PYGO1: variants seen among roughly 807,000 people sequenced by gnomAD.
PYGO1 encodes pygopus homolog 1.
A neutral mutation model predicts 29.5 loss-of-function variants in PYGO1; 6 were observed. The observed-to-expected ratio is 0.20, with a 90% CI of 0.11 to 0.40. PYGO1 has a LOEUF of 0.40. PYGO1 is among the 10% of genes least tolerant of loss of function. The pLI is 1.00. For synonymous variants in PYGO1, 186 were observed against 180.5 expected (o/e 1.03, Z -0.24); for missense variants, 515 against 514.9 (o/e 1.00, Z 0.00).
chr15:55,576,812 C>G (rs1218230861), intron 1 of PYGO1, among the ~76,000 whole-genome samples: 1 of 135,782 alleles, frequency 7.4e-6, no homozygotes, highest in African/African-American at 2.8e-5. Flanking sequence ...GTTCCATCAT[C>G]TTAACTTAGA....
chr15:55,588,861 CCA>C (rs1378654307), upstream of PYGO1: 1 of 1,613,424 alleles, frequency 6.2e-7, no homozygotes. Context: ...ATGTGGGGAT[CCA>C]GATTCCCCGA....
chr15:55,572,964 G>T (rs1365342478), intron 1 of PYGO1, among the ~76,000 whole-genome samples: 1 of 150,628 alleles, frequency 6.6e-6, no homozygotes, highest in African/African-American at 2.4e-5. Context: ...CTTGAGGTCA[G>T]GAGTTCAAGA....
chr15:55,563,365 TC>T (rs1454810000), intron 1 of PYGO1, among the ~76,000 whole-genome samples: 2 of 133,144 alleles, frequency 1.5e-5, no homozygotes, highest in East Asian at 6.3e-4. Context: ...ATGAATAAAT[TC>T]TTTTTTTTTT....
Position 55,545,215 on chromosome 15 carries a change from A to G in PYGO1, c.*808T>C, listed in dbSNP as rs2058844376. 1 of 152,222 alleles carries G rather than the reference A, an allele frequency of 6.6e-6. No homozygotes were observed. 9.4% of individuals were successfully genotyped at this position (152,222 alleles called of 1,614,324 possible). On this transcript the variant is annotated 3_prime_UTR_variant, in exon 3 of 3. Coordinates refer to ENST00000563719, the MANE Select transcript of PYGO1 (RefSeq NM_001367806.1). ...TATTCACAATTCTTCTGTGGATACT[A>G]TAGTATTTCTCTGGAAAACAATAAA...
At chr15:55,584,800 G>A (rs1187250441) in intron 1 of PYGO1, among the ~76,000 whole-genome samples, 12 of 152,234 alleles carry the variant, frequency 7.9e-5, no homozygotes. Context: ...GTAAGATACT[G>A]TGTCACTAAA....
intron 1 of PYGO1, among the ~76,000 whole-genome samples, chr15:55,552,728 GC>G (rs2058885016): frequency 6.6e-6 from 1 of 152,250 alleles, no homozygotes; most frequent in East Asian, 1.9e-4. Flanking sequence ...AGCTGTGTAT[GC>G]AGAGTCTCAG....
At chr15:55,562,076 C>CA (rs2058935126) in intron 1 of PYGO1, among the ~76,000 whole-genome samples, 1 of 151,960 alleles carries the variant, frequency 6.6e-6, no homozygotes, top group Non-Finnish European at 1.5e-5. Context: ...ATGCAGCCAA[C>CA]AAACATGAAA....
Position 55,587,980 on chromosome 15 carries a change from T to A in PYGO1, c.-97A>T. ...CTCCTCCTCGCGGGGCCGCTGCGGCTGCGAGGCAAGCCTCGGAGCCGAGGC... is the reference window on the plus strand; with the variant it reads ...CTCCTCCTCGCGGGGCCGCTGCGGCAGCGAGGCAAGCCTCGGAGCCGAGGC... On this transcript the variant is annotated 5_prime_UTR_variant, in exon 1 of 3. Coordinates refer to ENST00000563719, the MANE Select transcript of PYGO1 (RefSeq NM_001367806.1). 1 of 1,412,132 alleles carries A rather than the reference T, an allele frequency of 7.1e-7. No homozygotes were observed. Among genetic ancestry groups the A allele is most frequent in the Non-Finnish European group, 9.3e-7 (1 of 1,076,420 alleles). 87.5% of individuals were successfully genotyped at this position (1,412,132 alleles called of 1,614,324 possible).
intron 1 of PYGO1, among the ~76,000 whole-genome samples, chr15:55,549,824 C>T (rs1191010667): frequency 6.6e-6 from 1 of 152,132 alleles, no homozygotes; most frequent in Non-Finnish European, 1.5e-5. Context: ...GAATTCTGAA[C>T]ATATACAACA....
At chr15:55,586,562 G>C (rs1017957606) in intron 1 of PYGO1, among the ~76,000 whole-genome samples, 6 of 152,146 alleles carry the variant, frequency 3.9e-5, no homozygotes, top group African/African-American at 1.4e-4. Flanking sequence ...AATAATTCTT[G>C]ATCCTACTCC....
intron 1 of PYGO1, among the ~76,000 whole-genome samples, chr15:55,559,118 G>A (rs1384958749): frequency 6.6e-6 from 1 of 152,062 alleles, no homozygotes; most frequent in East Asian, 1.9e-4. Flanking sequence ...AATCTACAAA[G>A]AACTCAAACA....
At position 55,548,707 on chromosome 15, in the gene PYGO1, T is replaced by TAAAAAAAAAAAAA. The variant is rs60796044; in HGVS notation, c.135+190_135+202dup. ...TCTGGCAACAGAGCAAGAATCCACC[T>TAAAAAAAAAAAAA]AAAAAAAAAAAAAAAAAAAAAAAAA... On this transcript the variant is annotated intron_variant, in intron 2 of 2. Coordinates refer to ENST00000563719, the MANE Select transcript of PYGO1 (RefSeq NM_001367806.1). 2.2e-4 allele frequency among the ~76,000 whole-genome samples: 12 copies of TAAAAAAAAAAAAA among 55,444 alleles called. 1 individual carries two copies. The highest frequency in any genetic ancestry group is 2.4e-4 in the Non-Finnish European group (8 of 33,460). The allele number at this position is 55,444 out of a possible 152,430, so 36.4% of individuals were successfully genotyped here.
At chr15:55,588,536 G>A (rs1247128921), upstream of PYGO1, among the ~76,000 whole-genome samples, 1 of 147,008 alleles carries the variant, frequency 6.8e-6, no homozygotes, top group African/African-American at 2.4e-5. Context: ...CCTCGGCCCA[G>A]CCCCCACGGC....
intron 1 of PYGO1, among the ~76,000 whole-genome samples, chr15:55,573,381 C>T (rs1247620182): frequency 1.3e-5 from 2 of 151,898 alleles, no homozygotes; most frequent in African/African-American, 2.4e-5. Flanking sequence ...AAGCCTCATC[C>T]ACTGCTGGTG....
intron 1 of PYGO1, among the ~76,000 whole-genome samples, chr15:55,562,318 C>T (rs925425035): frequency 5.9e-5 from 9 of 152,154 alleles, no homozygotes; most frequent in Admixed American, 1.3e-4. Flanking sequence ...TACCATTGGA[C>T]CCAGCAATCC....
At position 55,578,884 on chromosome 15, in the gene PYGO1, A is replaced by G. The variant is rs2059014828; in HGVS notation, c.49+8951T>C. 3.9e-5 allele frequency among the ~76,000 whole-genome samples: 6 copies of G among 152,322 alleles called. No individual in the cohort carries two copies. In the South Asian group the frequency reaches 1.2e-3, roughly 32 times the overall value. Reference sequence around the variant, plus strand: ...TATCTATTTCTTCTTTGGTTAATTGAGTAAAACTAAGCTTATCTACCTCTA... The same window carrying G: ...TATCTATTTCTTCTTTGGTTAATTGGGTAAAACTAAGCTTATCTACCTCTA... On this transcript the variant is annotated intron_variant, in intron 1 of 2. Transcript: ENST00000563719.
rs201039374 is a variant in PYGO1 at position 55,540,689 on chromosome 15, G to A, written c.*5334C>T. On this transcript the variant is annotated 3_prime_UTR_variant, in exon 3 of 3. Transcript: ENST00000563719. ...TAGGAATAAATGTTGGACAAAGTCT[G>A]GAAACATTTTTTTTTCCAATTTGAA... is the stretch of plus-strand genomic sequence containing the variant. The A allele has an allele frequency of 6.6e-6, 1 of 152,026 alleles. No homozygotes were observed. The highest frequency in any genetic ancestry group is 1.9e-4 in the East Asian group (1 of 5,198). 9.4% of individuals were successfully genotyped at this position (152,026 alleles called of 1,614,324 possible). A position where few individuals can be genotyped will look rare whatever the true frequency, so the allele number is the denominator to read the frequency against.
rs764729998 is a variant in PYGO1 at position 55,548,993 on chromosome 15, C to G, written c.52G>C (p.Gly18Arg). The change falls in exon 2 of 3, where the codon GGT becomes CGT. Residue 18 changes from glycine (G) to arginine (R), a missense_variant and splice_region_variant. Transcript: ENST00000563719. ...DPISLKRVRG[G>R]DSGLDGLGGP... ...CCTAACCCATCCAGTCCACTATCAC[C>G]ACCTAAAAAAAAAAAAATTCAGGTA... 8 of 1,593,862 alleles carry G rather than the reference C, an allele frequency of 5.0e-6. No homozygotes were observed. Among genetic ancestry groups the G allele is most frequent in the Non-Finnish European group, 6.8e-6 (8 of 1,173,336 alleles).
Position 55,539,906 on chromosome 15 carries a change from T to C in PYGO1, c.*6117A>G, listed in dbSNP as rs1246753082. ...CCTTATTAAGGATAATTTAAACTGA[T>C]ATGTCTAAAATTTGAATTTTTAAAA... is the stretch of plus-strand genomic sequence containing the variant. On this transcript the variant is annotated 3_prime_UTR_variant, in exon 3 of 3. Coordinates refer to ENST00000563719, the MANE Select transcript of PYGO1 (RefSeq NM_001367806.1). 6.6e-6 allele frequency: 1 copy of C among 152,100 alleles called. No individual in the cohort carries two copies. The highest frequency in any genetic ancestry group is 1.9e-4 in the East Asian group (1 of 5,198). The allele number at this position is 152,100 out of a possible 1,614,324, so 9.4% of individuals were successfully genotyped here. A position where few individuals can be genotyped will look rare whatever the true frequency, so the allele number is the denominator to read the frequency against.
Sources: allele counts gnomAD v4.1 joint callset (sites outside exome capture counted in the v4.1 genomes callset), GRCh38; gene constraint gnomAD v4.1.1; transcripts MANE v1.5; gene names NCBI Gene and HGNC (gene_info 2026-07-23, HGNC 2026-07-21).